The following C4orf51 variants were observed in gnomAD, a reference collection of about 807,000 sequenced individuals.
The protein encoded by C4orf51 is chromosome 4 open reading frame 51.
Under a neutral mutation model 25.2 loss-of-function variants are expected in C4orf51, and 25 were observed. The ratio of observed to expected loss-of-function variants is 0.99; its 90% CI spans 0.72 to 1.39. The LOEUF (loss-of-function observed/expected upper bound fraction) is 1.39, where lower values mean the gene tolerates loss of function less well. C4orf51 is among the 40% of genes most tolerant of loss of function. C4orf51 has a pLI of 0.00. For missense variants in C4orf51, 252 were observed against 239.6 expected (o/e 1.05, Z -0.34); for synonymous variants, 100 against 84.5 (o/e 1.18, Z -1.01).
downstream of C4orf51, among the ~76,000 whole-genome samples, chr4:145,733,227 C>T (rs911402691): frequency 4.6e-5 from 7 of 152,104 alleles, no homozygotes; most frequent in Middle Eastern, 3.4e-3. Context: ...CGGCCGTCTC[C>T]TTCTTCCTCC....
At chr4:145,778,361 T>C in the C4orf51 span, among the ~76,000 whole-genome samples, 1 of 152,256 alleles carries the variant, frequency 6.6e-6, no homozygotes, top group Non-Finnish European at 1.5e-5. Context: ...CTCAAACTCC[T>C]GACCTCAGGT....
At chr4:145,689,648 A>C (rs1303071517) in intron 1 of C4orf51, among the ~76,000 whole-genome samples, 1 of 152,182 alleles carries the variant, frequency 6.6e-6, no homozygotes, top group Non-Finnish European at 1.5e-5. Flanking sequence ...AAAATTTAAA[A>C]GACTATTAAT....
At chr4:145,774,364 T>C, downstream of C4orf51, 2 of 905,570 alleles carry the variant, frequency 2.2e-6, no homozygotes, top group Middle Eastern at 3.6e-4. Flanking sequence ...AATGTGGCTT[T>C]CATGCCTTGG....
intron 2 of C4orf51, among the ~76,000 whole-genome samples, chr4:145,705,221 T>C (rs556313891): frequency 6.6e-6 from 1 of 152,308 alleles, no homozygotes; most frequent in South Asian, 2.1e-4. Flanking sequence ...CTTGAGCCCA[T>C]TCATCAAACT....
At chr4:145,692,243 AT>A (rs1221590302) in intron 1 of C4orf51, among the ~76,000 whole-genome samples, 1 of 152,254 alleles carries the variant, frequency 6.6e-6, no homozygotes, top group Non-Finnish European at 1.5e-5. Context: ...CTGCATGGTA[AT>A]GAATAAGAAA....
chr4:145,791,598 T>C, the C4orf51 span, among the ~76,000 whole-genome samples: 2 of 152,308 alleles, frequency 1.3e-5, no homozygotes, highest in African/African-American at 4.8e-5. Flanking sequence ...AAATAGGCCA[T>C]CTCTATTATA....
the C4orf51 span, chr4:145,779,639 C>T: frequency 6.2e-3 from 7,901 of 1,278,128 alleles, 349 homozygotes; most frequent in African/African-American, 0.1. Flanking sequence ...AATGAGTCTC[C>T]GTAACTGGTT....
In C4orf51 at chr4:145,763,100, C is replaced by G. The variant is rs764232871; in HGVS notation, n.167-7888C>G. The G allele has an allele frequency of 3.9e-6, 6 of 1,536,074 alleles. No individual in the cohort carries two copies. The South Asian group carries it at 7.1e-5, about 18-fold the overall frequency. On this transcript the variant is annotated intron_variant and non_coding_transcript_variant, in intron 1 of 1. Transcript: ENST00000510096. The surrounding 1 kb of genome is among the most constrained non-coding windows in gnomAD (Gnocchi z 4.6). ...CAAGCTGGGCCTTACCTAGAGGAGT[C>G]TGAAACTCACCACTGTCCTGAGCTA... is the stretch of plus-strand genomic sequence containing the variant.
chr4:145,732,696 G>T lies in C4orf51; in HGVS notation c.*136G>T. On this transcript the variant is annotated 3_prime_UTR_variant, in exon 6 of 6. Transcript: ENST00000438731. ...TGGACCCTGGCAGGTTGGCTTTCTG[G>T]GACAATTCCATGGGCTTCATTTATC... 1 of 545,828 alleles carries T rather than the reference G, an allele frequency of 1.8e-6. No homozygotes were observed. Among genetic ancestry groups the T allele is most frequent in the South Asian group, 2.9e-5 (1 of 34,152 alleles). The allele number at this position is 545,828 out of a possible 1,614,324, so 33.8% of individuals were successfully genotyped here.
rs1421734733 is a variant in C4orf51 at position 145,729,150 on chromosome 4, C to T, written c.367-19C>T. The T allele has an allele frequency of 6.5e-7, 1 of 1,538,908 alleles. No individual in the cohort carries two copies. Among genetic ancestry groups the T allele is most frequent in the Non-Finnish European group, 9.0e-7 (1 of 1,115,452 alleles). On this transcript the variant is annotated intron_variant, in intron 3 of 5. Transcript: ENST00000438731. The stretch of plus-strand genomic sequence containing the variant: ...TTATGAAAGTGGTTGGTATTTATTT[C>T]TATCTCTCCTTTTTATAGGCACATC...
At chr4:145,700,513 TACAA>T (rs1165965408) in intron 2 of C4orf51, among the ~76,000 whole-genome samples, 2 of 152,188 alleles carry the variant, frequency 1.3e-5, no homozygotes, top group African/African-American at 4.8e-5. Flanking sequence ...TTGACCCCAG[TACAA>T]ACTCAACAGT....
chr4:145,687,109 C>G (rs1312387603), intron 1 of C4orf51, among the ~76,000 whole-genome samples: 1 of 152,162 alleles, frequency 6.6e-6, no homozygotes, highest in East Asian at 1.9e-4. Flanking sequence ...TAGGGCCACC[C>G]TGCCTCCCAT....
intron 1 of C4orf51, among the ~76,000 whole-genome samples, chr4:145,748,179 G>C (rs1733477924): frequency 6.6e-6 from 1 of 151,978 alleles, no homozygotes; most frequent in Admixed American, 6.6e-5. Flanking sequence ...CGGGTATCTA[G>C]TTGCTCATAA....
intron 1 of C4orf51, among the ~76,000 whole-genome samples, chr4:145,741,274 A>G (rs890987972): frequency 2.0e-5 from 3 of 152,154 alleles, no homozygotes; most frequent in East Asian, 1.9e-4. Flanking sequence ...AGTCTAGAAT[A>G]CTTATTTTAT....
chr4:145,748,070 C>A (rs551143748), intron 1 of C4orf51, among the ~76,000 whole-genome samples: 230 of 152,038 alleles, frequency 1.5e-3, no homozygotes, highest in African/African-American at 5.4e-3. Flanking sequence ...AAATAACATT[C>A]AAGTTATTGG....
At chr4:145,742,501 G>GT (rs1335370217) in intron 1 of C4orf51, among the ~76,000 whole-genome samples, 1 of 138,030 alleles carries the variant, frequency 7.2e-6, no homozygotes, top group Non-Finnish European at 1.6e-5. Context: ...TACATTTTCA[G>GT]TTTTCTACAC....
intron 1 of C4orf51, among the ~76,000 whole-genome samples, chr4:145,766,321 C>T (rs1055932967): frequency 7.9e-5 from 12 of 152,176 alleles, no homozygotes; most frequent in Non-Finnish European, 8.8e-5. Flanking sequence ...CTCAAGAGAG[C>T]GCGTCAGGGA....
Position 145,761,638 on chromosome 4 carries a change from G to C in C4orf51, n.167-9350G>C. On this transcript the variant is annotated intron_variant and non_coding_transcript_variant, in intron 1 of 1. Transcript: ENST00000510096. This position sits in a 1 kb window ranked among gnomAD's most constrained non-coding sequence, Gnocchi z 6.8. ...AACGCAAGGGAGGTTCAGCCGGGAA[G>C]GTTCGGAGGCAGCCGCGCTTCTCGC... 1 of 1,180,488 alleles carries C rather than the reference G, an allele frequency of 8.5e-7. No homozygotes were observed. The highest frequency in any genetic ancestry group is 1.1e-6 in the Non-Finnish European group (1 of 912,044). The allele number at this position is 1,180,488 out of a possible 1,614,324, so 73.1% of individuals were successfully genotyped here.
chr4:145,687,261 G>A (rs1436700003), intron 1 of C4orf51, among the ~76,000 whole-genome samples: 2 of 152,120 alleles, frequency 1.3e-5, no homozygotes, highest in African/African-American at 4.8e-5. Context: ...CCCTCTTTGA[G>A]TCTTCCTGCC....
Sources: allele counts gnomAD v4.1 joint callset (sites outside exome capture counted in the v4.1 genomes callset), GRCh38; gene constraint gnomAD v4.1.1; non-coding constraint Gnocchi (gnomAD v3.1); transcripts MANE v1.5; gene names NCBI Gene and HGNC (gene_info 2026-07-23, HGNC 2026-07-21).